The following ZNF106 variants were observed in gnomAD, a reference collection of about 807,000 sequenced individuals.
ZNF106 encodes zinc finger protein 106.
In ZNF106, 67 loss-of-function variants were observed where a neutral mutation model predicts 195.1. The ratio of observed to expected loss-of-function variants is 0.34; its 90% CI spans 0.28 to 0.42. The LOEUF (loss-of-function observed/expected upper bound fraction) is 0.42, where lower values mean the gene tolerates loss of function less well. Among genes scored for constraint, ZNF106 ranks in the 10% least tolerant of loss-of-function variants. The pLI is 1.00. For missense variants in ZNF106, 2,118 were observed against 2,304.5 expected, an observed-to-expected ratio of 0.92 and a Z score of 1.66; for synonymous variants, 784 against 818.6, an observed-to-expected ratio of 0.96 and a Z score of 0.72.
At chr15:42,446,481 A>G (rs1439185925) in intron 7 of ZNF106, 108 bp downstream of exon 7, 5 of 801,194 alleles carry the variant, frequency 6.2e-6, no homozygotes, top group Non-Finnish European at 1.0e-5. Context: ...GGAGGCTGAG[A>G]GAAGAGGATT....
chr15:42,456,874 G>A (rs2056242755), intron 4 of ZNF106, 84 bp downstream of exon 4: 1 of 1,292,590 alleles, frequency 7.7e-7, no homozygotes, highest in African/African-American at 1.5e-5. Flanking sequence ...TAAATGCCAT[G>A]GGCTGACCAG....
intron 15 of ZNF106, 85 bp from the exon 16 acceptor site, chr15:42,425,110 T>C (rs2054808049): frequency 7.4e-7 from 1 of 1,349,538 alleles, no homozygotes; most frequent in East Asian, 2.3e-5. Context: ...TACAAACTCA[T>C]TTCTGTCACC....
chr15:42,452,194 C>A (rs1192104077), intron 4 of ZNF106, among the ~76,000 whole-genome samples: 1 of 152,028 alleles, frequency 6.6e-6, no homozygotes, highest in African/African-American at 2.4e-5. Context: ...CAAGTAATTA[C>A]AACCATCTCC....
At chr15:42,462,686 G>C (rs1047911955) in intron 3 of ZNF106, among the ~76,000 whole-genome samples, 54 of 152,304 alleles carry the variant, frequency 3.5e-4, no homozygotes, top group African/African-American at 1.3e-3. Flanking sequence ...CTCTAAGAGA[G>C]AAATAGGATT....
intron 1 of ZNF106, among the ~76,000 whole-genome samples, chr15:42,486,385 A>G (rs2057017120): frequency 6.6e-6 from 1 of 151,930 alleles, no homozygotes; most frequent in African/African-American, 2.4e-5. Flanking sequence ...TCAGCCTCCC[A>G]AGTAGCTGGG....
intron 4 of ZNF106, among the ~76,000 whole-genome samples, chr15:42,453,661 T>C (rs1259259135): frequency 6.6e-6 from 1 of 151,668 alleles, no homozygotes; most frequent in Non-Finnish European, 1.5e-5. Context: ...AATGGCACGA[T>C]CTTGGCTCAC....
chr15:42,428,147 C>T lies in ZNF106; in HGVS notation c.4882-13G>A. 6.2e-7 allele frequency: 1 copy of T among 1,609,026 alleles called. No individual in the cohort carries two copies. Among genetic ancestry groups the T allele is most frequent in the Non-Finnish European group, 8.5e-7 (1 of 1,175,524 alleles). On this transcript the variant is annotated splice_polypyrimidine_tract_variant and intron_variant, in intron 14 of 21. Coordinates refer to ENST00000564754, the MANE Select transcript of ZNF106 (RefSeq NM_001366845.3). ...CACACTCTCGGCTCTGATAAAAGCACACAACCTTTAATCAGCAGAGGGTAC... is the reference window on the plus strand; with the variant it reads ...CACACTCTCGGCTCTGATAAAAGCATACAACCTTTAATCAGCAGAGGGTAC...
At position 42,450,255 on chromosome 15, in the gene ZNF106, T is replaced by G; in HGVS notation, c.2017A>C (p.Lys673Gln). Residue 673 changes from lysine to glutamine, a missense_variant, in exon 5 of 22, where the codon AAA (lysine) becomes CAA (glutamine). Lys to Gln is a moderately conservative substitution (Grantham distance 53, BLOSUM62 1). Transcript: ENST00000564754. ...GATGTCATTTGTAATTCAGATTCTT[T>G]CTGGCGAACTATGGGATTACATGGG... ...TSPCNPIVRQ[K>Q]ESELQMTSAA... is the part of the protein sequence containing the mutation. The G allele has an allele frequency of 6.2e-7, 1 of 1,614,222 alleles. No individual in the cohort carries two copies. Among genetic ancestry groups the G allele is most frequent in the South Asian group, 1.1e-5 (1 of 91,090 alleles).
At position 42,466,096 on chromosome 15, in the gene ZNF106, G is replaced by A. The variant is rs2056510492; in HGVS notation, c.73C>T (p.Arg25Trp). The A allele has an allele frequency of 2.6e-6, 4 of 1,532,538 alleles. No homozygotes were observed. Among genetic ancestry groups the A allele is most frequent in the African/African-American group, 2.7e-5 (2 of 72,812 alleles). 94.9% of individuals were successfully genotyped at this position (1,532,538 alleles called of 1,614,324 possible). A position where few individuals can be genotyped will look rare whatever the true frequency, so the allele number is the denominator to read the frequency against. Reference sequence around the variant, plus strand: ...AGTTCCCTGTGATGCAACATGCTCCGCATGTGTTCGTCCATCTCCTTCAAA... The same window carrying A: ...AGTTCCCTGTGATGCAACATGCTCCACATGTGTTCGTCCATCTCCTTCAAA... ...SSKKEMDEHM[R>W]SMLHHRELEN... is the part of the protein sequence containing the mutation. The change falls in exon 3 of 22, where the codon CGG becomes TGG. Residue 25 changes from arginine (R) to tryptophan (W), a missense_variant. Transcript: ENST00000564754.
At chr15:42,425,375 C>A (rs2054816156) in intron 15 of ZNF106, 2 of 209,828 alleles carry the variant, frequency 9.5e-6, no homozygotes, top group Middle Eastern at 1.9e-3. Flanking sequence ...AACTCTAGTG[C>A]ATATTCCCTG....
chr15:42,487,760 G>A (rs774650398), intron 1 of ZNF106, among the ~76,000 whole-genome samples: 1 of 152,128 alleles, frequency 6.6e-6, no homozygotes, highest in South Asian at 2.1e-4. Context: ...TTGCATAACT[G>A]AAACTTTATA....
intron 1 of ZNF106, among the ~76,000 whole-genome samples, chr15:42,485,731 AATT>A (rs1289026764): frequency 2.0e-5 from 3 of 152,158 alleles, no homozygotes; most frequent in African/African-American, 7.2e-5. Flanking sequence ...GATAAATAAA[AATT>A]ATTATAAAAT....
rs184085818 is a variant in ZNF106 at position 42,458,874 on chromosome 15, G to C, written c.117-1716C>G. ...TACTTAGCATAGACACTCTTGTTTA[G>C]GGTGACAAAGTTTAAACACTCAAAC... On this transcript the variant is annotated intron_variant, in intron 3 of 21. Coordinates refer to ENST00000564754, the MANE Select transcript of ZNF106 (RefSeq NM_001366845.3). 9.3e-5 allele frequency among the ~76,000 whole-genome samples: 14 copies of C among 151,306 alleles called. No homozygotes were observed. The East Asian group carries it at 2.7e-3, about 30-fold the overall frequency.
intron 3 of ZNF106, among the ~76,000 whole-genome samples, chr15:42,459,745 A>C (rs115669701): frequency 0.014 from 2,200 of 152,258 alleles, 53 homozygotes; most frequent in African/African-American, 0.051. Context: ...TTCCAGTTAG[A>C]AAATCTTTTT....
chr15:42,458,046 G>A (rs537022345), intron 3 of ZNF106, among the ~76,000 whole-genome samples: 1 of 152,224 alleles, frequency 6.6e-6, no homozygotes, highest in South Asian at 2.1e-4. Context: ...TCCCTTGACT[G>A]GGTCAGCTGA....
intron 4 of ZNF106, among the ~76,000 whole-genome samples, chr15:42,453,098 A>T (rs1394218957): frequency 6.6e-6 from 1 of 152,154 alleles, no homozygotes; most frequent in African/African-American, 2.4e-5. Context: ...CCTATTTTAA[A>T]TAAGATGATA....
intron 9 of ZNF106, 33 bp downstream of exon 9, chr15:42,444,169 G>C: frequency 1.0e-6 from 1 of 984,558 alleles, no homozygotes; most frequent in Non-Finnish European, 1.5e-6. Context: ...ACACGCTATA[G>C]AGGGCCCAAT....
chr15:42,433,666 A>G (rs1180639353), intron 14 of ZNF106, among the ~76,000 whole-genome samples: 1 of 151,698 alleles, frequency 6.6e-6, no homozygotes, highest in Non-Finnish European at 1.5e-5. Context: ...TATTTTTAGT[A>G]GAGACAGGGT....
At position 42,451,329 on chromosome 15, in the gene ZNF106, C is replaced by A; in HGVS notation, c.943G>T (p.Ala315Ser). 3 of 1,613,944 alleles carry A rather than the reference C, an allele frequency of 1.9e-6. No homozygotes were observed. The highest frequency in any genetic ancestry group is 2.5e-6 in the Non-Finnish European group (3 of 1,179,846). ...RQENDKLGTVATYRGPSEGFT... is the reference protein window; with the variant it reads ...RQENDKLGTVSTYRGPSEGFT... ...CCTTCAGAAGGACCTCTATATGTGG[C>A]AACTGTACCAAGTTTGTCATTTTCT... The change falls in exon 5 of 22, where the codon GCC becomes TCC. Residue 315 changes from alanine (A) to serine (S), a missense_variant. By Grantham distance (99) the Ala-to-Ser change is moderately conservative. Transcript: ENST00000564754.
Sources: allele counts gnomAD v4.1 joint callset (sites outside exome capture counted in the v4.1 genomes callset), GRCh38; gene constraint gnomAD v4.1.1; transcripts MANE v1.5; gene names NCBI Gene and HGNC (gene_info 2026-07-23, HGNC 2026-07-21).